PCDHGA4: variants seen among roughly 807,000 people sequenced by gnomAD.
PCDHGA4 encodes protocadherin gamma subfamily A, 4.
In PCDHGA4, 38 loss-of-function variants were observed where a neutral mutation model predicts 54.6. That is an observed-to-expected ratio of 0.70 (90% confidence interval 0.54 to 0.91). The LOEUF is 0.91. PCDHGA4 is among the 40% of genes least tolerant of loss of function. PCDHGA4 has a pLI of 0.00. For synonymous variants in PCDHGA4, 511 were observed against 512.9 expected (o/e 1.00, Z 0.05); for missense variants, 1,298 against 1,220.9 (o/e 1.06, Z -0.94).
Position 141,355,919 on chromosome 5 carries a change from C to T in PCDHGA4, c.812C>T (p.Pro271Leu). ...CTTGTGGATACCAACGATAATGCTC[C>T]CGTGTTCACTCAGCCCGAGTACCAC... ...IILVDTNDNA[P>L]VFTQPEYHVS... The change falls in exon 1 of 4, where the codon CCC becomes CTC. Residue 271 changes from proline (P) to leucine (L), a missense_variant. Transcript: ENST00000571252. The T allele has an allele frequency of 6.2e-7, 1 of 1,613,812 alleles. No individual in the cohort carries two copies. The highest frequency in any genetic ancestry group is 8.5e-7 in the Non-Finnish European group (1 of 1,179,848).
intron 1 of PCDHGA4, chr5:141,417,885 G>T (rs761442517): frequency 3.8e-6 from 6 of 1,562,926 alleles, no homozygotes; most frequent in South Asian, 1.2e-5. Context: ...GCGCAGAGGC[G>T]CCGGGCCGGC....
At chr5:141,382,796 G>T (rs1271325084) in intron 1 of PCDHGA4, 1 of 990,558 alleles carries the variant, frequency 1.0e-6, no homozygotes, top group Non-Finnish European at 1.5e-6. Context: ...CTATCCTGCT[G>T]GATTCTGAGC....
intron 1 of PCDHGA4, chr5:141,423,558 G>T: frequency 1.2e-6 from 2 of 1,613,580 alleles, no homozygotes; most frequent in Non-Finnish European, 1.7e-6. Context: ...CCAACTATGG[G>T]GACACGCTCA....
intron 1 of PCDHGA4, chr5:141,400,192 G>T (rs1411721247): frequency 6.2e-7 from 1 of 1,614,088 alleles, no homozygotes; most frequent in South Asian, 1.1e-5. Flanking sequence ...GTTTTACCTA[G>T]TGGTGGCCTT....
chr5:141,432,745 G>A lies in PCDHGA4; in HGVS notation c.2515-62062G>A, dbSNP rs138883931. ...TCTCCGCCACTGTCACGCTCACCGT[G>A]GCCGTGGCCGACAGCATCCCCCAAG... On this transcript the variant is annotated intron_variant, in intron 1 of 3. Coordinates refer to ENST00000571252, the MANE Select transcript of PCDHGA4 (RefSeq NM_018917.4). This position sits in a 1 kb window ranked among gnomAD's most constrained non-coding sequence, Gnocchi z 6.0. 311 of 1,614,110 alleles carry A rather than the reference G, an allele frequency of 1.9e-4. No individual in the cohort carries two copies. The African/African-American group carries it at 3.5e-3, about 18-fold the overall frequency.
rs1485856773 is a variant in PCDHGA4, at chr5:141,372,043, T to A, written c.2514+14422T>A. ...CTCAGCGCCAACGTGAGCCTGCGCG[T>A]GTTGGTGGACGACCGCAACGACAAT... On this transcript the variant is annotated intron_variant, in intron 1 of 3. Coordinates refer to ENST00000571252, the MANE Select transcript of PCDHGA4 (RefSeq NM_018917.4). The A allele has an allele frequency of 1.9e-6, 3 of 1,613,326 alleles. No individual in the cohort carries two copies. The highest frequency in any genetic ancestry group is 1.7e-5 in the Admixed American group (1 of 59,994).
chr5:141,467,042 G>T (rs2099134710), intron 1 of PCDHGA4, among the ~76,000 whole-genome samples: 1 of 149,884 alleles, frequency 6.7e-6, no homozygotes. Context: ...TTTGTGTAAT[G>T]AATCAATGTT....
chr5:141,499,150 T>C (rs1424635509), intron 2 of PCDHGA4, among the ~76,000 whole-genome samples: 5 of 152,180 alleles, frequency 3.3e-5, no homozygotes, highest in Non-Finnish European at 1.5e-5. Context: ...CTGATCCCAA[T>C]AGCTGTTGTC....
At chr5:141,366,528 C>T (rs777450935) in intron 1 of PCDHGA4, 3 of 1,614,208 alleles carry the variant, frequency 1.9e-6, no homozygotes, top group Non-Finnish European at 2.5e-6. Context: ...AGCAGGTTGG[C>T]GGGTGTGCCC....
intron 1 of PCDHGA4, chr5:141,372,274 G>T (rs767978142): frequency 4.3e-6 from 7 of 1,612,960 alleles, no homozygotes; most frequent in Non-Finnish European, 3.4e-6. Context: ...GGTGAGGTGC[G>T]CACGGCGCGT....
At chr5:141,371,129 C>T (rs779236316) in intron 1 of PCDHGA4, 2 of 1,614,012 alleles carry the variant, frequency 1.2e-6, no homozygotes, top group East Asian at 2.2e-5. Context: ...TTACTCAGGA[C>T]ATGTACAGGG....
intron 1 of PCDHGA4, chr5:141,371,905 A>G (rs768388601): frequency 6.2e-7 from 1 of 1,613,358 alleles, no homozygotes; most frequent in Non-Finnish European, 8.5e-7. Context: ...CTGTCGTCCT[A>G]CGTGTCCGTG....
chr5:141,449,724 A>AT (rs911465424), intron 1 of PCDHGA4, among the ~76,000 whole-genome samples: 1 of 151,176 alleles, frequency 6.6e-6, no homozygotes, highest in African/African-American at 2.4e-5. Context: ...ATATGATATG[A>AT]TTTTTTTATG....
intron 1 of PCDHGA4, among the ~76,000 whole-genome samples, chr5:141,453,393 A>G (rs2098764590): frequency 6.6e-6 from 1 of 152,018 alleles, no homozygotes; most frequent in Non-Finnish European, 1.5e-5. Flanking sequence ...CTTAGCCTCC[A>G]AGTGCTGGTA....
At chr5:141,458,989 T>C (rs1341538997) in intron 1 of PCDHGA4, among the ~76,000 whole-genome samples, 1 of 152,134 alleles carries the variant, frequency 6.6e-6, no homozygotes, top group Non-Finnish European at 1.5e-5. Flanking sequence ...TGCCTCACCC[T>C]CCCAAAGTGC....
At chr5:141,374,163 C>T (rs764323551) in intron 1 of PCDHGA4, 3 of 1,612,724 alleles carry the variant, frequency 1.9e-6, no homozygotes, top group Admixed American at 1.7e-5. Context: ...TGGGGGGCCG[C>T]GGCAGCGCAG....
chr5:141,419,659 C>T (rs930108720), intron 1 of PCDHGA4: 2 of 1,612,608 alleles, frequency 1.2e-6, no homozygotes, highest in East Asian at 4.5e-5. Flanking sequence ...ACTCGGGGCA[C>T]AATGCCTGGC....
At chr5:141,457,111 G>T (rs922281700) in intron 1 of PCDHGA4, among the ~76,000 whole-genome samples, 1 of 152,120 alleles carries the variant, frequency 6.6e-6, no homozygotes, top group African/African-American at 2.4e-5. Context: ...AGCAAAATAC[G>T]ACAGCAATGG....
At chr5:141,419,096 G>T in intron 1 of PCDHGA4, 9 of 1,613,918 alleles carry the variant, frequency 5.6e-6, no homozygotes, top group Non-Finnish European at 7.6e-6. Context: ...CCTGGATCGG[G>T]AGCAGACCCC....
Sources: allele counts gnomAD v4.1 joint callset (sites outside exome capture counted in the v4.1 genomes callset), GRCh38; gene constraint gnomAD v4.1.1; non-coding constraint Gnocchi (gnomAD v3.1); transcripts MANE v1.5; gene names NCBI Gene and HGNC (gene_info 2026-07-23, HGNC 2026-07-21).